The following CELSR3 variants were observed in gnomAD, a reference collection of about 807,000 sequenced individuals.
The protein encoded by CELSR3 is cadherin EGF LAG seven-pass G-type receptor 3, also known as EGF-like protein 1.
A neutral mutation model predicts 270.0 loss-of-function variants in CELSR3; 73 were observed. That is an observed-to-expected ratio of 0.27 (90% CI 0.22 to 0.33). The LOEUF is 0.33. Among genes scored for constraint, CELSR3 ranks in the 10% least tolerant of loss-of-function variants. The pLI, the probability that CELSR3 is intolerant of heterozygous loss-of-function variation, is 1.00. For synonymous variants in CELSR3, 1,780 were observed against 1,905.4 expected (o/e 0.93, Z 1.71); for missense variants, 3,614 against 4,533.8 (o/e 0.80, Z 5.83).
Position 48,641,133 on chromosome 3 carries a change from G to A in CELSR3, c.9025+191C>T. The A allele has an allele frequency of 1.7e-6, 1 of 595,502 alleles. No homozygotes were observed. The highest frequency in any genetic ancestry group is 2.0e-5 in the South Asian group (1 of 49,826). 36.9% of individuals were successfully genotyped at this position (595,502 alleles called of 1,614,324 possible). On this transcript the variant is annotated intron_variant, in intron 33 of 34. Transcript: ENST00000164024. The surrounding 1 kb of genome is among the most constrained non-coding windows in gnomAD (Gnocchi z 4.8). ...CCTGTGGTGCTGGCCAGGGTAGAGGGGGACAGAGAATTCCCAGGTCAGGAC... is the reference window on the plus strand; with the variant it reads ...CCTGTGGTGCTGGCCAGGGTAGAGGAGGACAGAGAATTCCCAGGTCAGGAC...
rs771894794 is a variant in CELSR3 at position 48,642,483 on chromosome 3, C to T, written c.8556-16G>A. ...GACATTGTCCCTGGAAAAGCAGGAGCCCCCCCACCATGAAAGAGGGATGTG... is the reference window on the plus strand; with the variant it reads ...GACATTGTCCCTGGAAAAGCAGGAGTCCCCCCACCATGAAAGAGGGATGTG... On this transcript the variant is annotated splice_polypyrimidine_tract_variant and intron_variant, in intron 30 of 34. Transcript: ENST00000164024. This position sits in a 1 kb window ranked among gnomAD's most constrained non-coding sequence, Gnocchi z 6.1. 5 of 1,607,142 alleles carry T rather than the reference C, an allele frequency of 3.1e-6. No homozygotes were observed. In the African/African-American group the frequency reaches 4.0e-5, roughly 13 times the overall value.
In CELSR3 at chr3:48,652,677, T is replaced by C. The variant is rs2302295; in HGVS notation, c.5635-124A>G. On this transcript the variant is annotated intron_variant, in intron 10 of 34. Transcript: ENST00000164024. The surrounding 1 kb of genome is among the most constrained non-coding windows in gnomAD (Gnocchi z 4.3). The stretch of plus-strand genomic sequence containing the variant: ...TGCCCCCTCCCTCCTGGACCCACAG[T>C]AGACCTTAATATTGCTTGATTTTGA... 0.12 allele frequency: 81,292 copies of C among 694,500 alleles called. 5,499 individuals carry two copies. The highest frequency in any genetic ancestry group is 0.24 in the African/African-American group (13,600 of 55,518). The allele number at this position is 694,500 out of a possible 1,614,324, so 43.0% of individuals were successfully genotyped here. A position where few individuals can be genotyped will look rare whatever the true frequency, so the allele number is the denominator to read the frequency against.
At position 48,645,258 on chromosome 3, in the gene CELSR3, G is replaced by A. The variant is rs750713109; in HGVS notation, c.7798-49C>T. The A allele has an allele frequency of 1.3e-6, 2 of 1,550,764 alleles. No individual in the cohort carries two copies. The highest frequency in any genetic ancestry group is 2.7e-5 in the African/African-American group (2 of 73,762). On this transcript the variant is annotated intron_variant, in intron 24 of 34. Transcript: ENST00000164024. This position sits in a 1 kb window ranked among gnomAD's most constrained non-coding sequence, Gnocchi z 5.4. ...GACCTCTCCTGCCTCACCCACCTCT[G>A]ACCCCTACCCCAGGCATCTGCTTCC...
At position 48,660,844 on chromosome 3, in the gene CELSR3, G is replaced by A; in HGVS notation, c.1791C>T (p.Ser597=). ...CCACCACCTGGATCTCGCCAGTGAG[G>A]CTGTCGATGGCAAAGTGTCCACGGC... ...GNSRGHFAID[S]LTGEIQVVAP... Residue 597 remains serine, a synonymous_variant, in exon 1 of 35, where the codon AGC becomes AGT. Coordinates refer to ENST00000164024, the MANE Select transcript of CELSR3 (RefSeq NM_001407.3). The surrounding 1 kb of genome is among the most constrained non-coding windows in gnomAD (Gnocchi z 5.5). 2 of 1,613,976 alleles carry A rather than the reference G, an allele frequency of 1.2e-6. No homozygotes were observed. Among genetic ancestry groups the A allele is most frequent in the South Asian group, 2.2e-5 (2 of 91,080 alleles).
At chr3:48,643,255 C>A in intron 28 of CELSR3, 172 bp from the exon 29 acceptor site, 1 of 627,756 alleles carries the variant, frequency 1.6e-6, no homozygotes, top group Non-Finnish European at 2.8e-6. Flanking sequence ...GAGGATGGAG[C>A]AGCAGGAGTG....
At position 48,661,769 on chromosome 3, in the gene CELSR3, T is replaced by C. The variant is rs776261819; in HGVS notation, c.866A>G (p.Gln289Arg). ...TCCCGGGGGACGCGGCCCGGGGCGC[T>C]GCGGGAGGAAGCGGCAGCGGAAGAG... is the stretch of plus-strand genomic sequence containing the variant. ...RGLFRCRFLP[Q>R]RPGPRPPGLP... The change falls in exon 1 of 35, where the codon CAG becomes CGG. Residue 289 changes from glutamine to arginine, a missense_variant. This residue lies in a region of CELSR3 where 470 missense variants were observed against 469.7 expected (regional missense o/e 1.00). Coordinates refer to ENST00000164024, the MANE Select transcript of CELSR3 (RefSeq NM_001407.3). 1.3e-6 allele frequency: 2 copies of C among 1,598,960 alleles called. No homozygotes were observed. The highest frequency in any genetic ancestry group is 1.1e-5 in the South Asian group (1 of 89,514).
At chr3:48,647,166 AG>A (rs2047091733) in intron 20 of CELSR3, among the ~76,000 whole-genome samples, 1 of 57,920 alleles carries the variant, frequency 1.7e-5, no homozygotes, top group African/African-American at 7.5e-5. Context: ...GAGATGTGGG[AG>A]GGAGGGTGGA....
chr3:48,646,637 C>A lies in CELSR3; in HGVS notation c.7295+126G>T. 1 of 999,544 alleles carries A rather than the reference C, an allele frequency of 1.0e-6. No individual in the cohort carries two copies. The highest frequency in any genetic ancestry group is 1.5e-6 in the Non-Finnish European group (1 of 685,270). The allele number at this position is 999,544 out of a possible 1,614,324, so 61.9% of individuals were successfully genotyped here. A position where few individuals can be genotyped will look rare whatever the true frequency, so the allele number is the denominator to read the frequency against. ...AGAATAAGATTCACACAGAACCCGG[C>A]AAGGATGGGGCTCCCTGGAGCTGTG... On this transcript the variant is annotated intron_variant, in intron 21 of 34. Coordinates refer to ENST00000164024, the MANE Select transcript of CELSR3 (RefSeq NM_001407.3). The surrounding 1 kb of genome is among the most constrained non-coding windows in gnomAD (Gnocchi z 4.8).
In CELSR3 at chr3:48,642,920, G is replaced by A; in HGVS notation, c.8407-36C>T. On this transcript the variant is annotated intron_variant, in intron 29 of 34. Transcript: ENST00000164024. The surrounding 1 kb of genome is among the most constrained non-coding windows in gnomAD (Gnocchi z 6.1). ...TAGGGACAGAGTGTGAGCTAACCCT[G>A]AAGCAGCCTAAAACTCTGGCTTCTC... The A allele has an allele frequency of 6.2e-7, 1 of 1,611,242 alleles. No homozygotes were observed.
At position 48,644,057 on chromosome 3, in the gene CELSR3, G is replaced by GCGC; in HGVS notation, c.8165+156_8165+158dup. 3.2e-6 allele frequency: 2 copies of GCGC among 629,336 alleles called. No homozygotes were observed. The highest frequency in any genetic ancestry group is 5.7e-6 in the Non-Finnish European group (2 of 351,486). The allele number at this position is 629,336 out of a possible 1,614,324, so 39.0% of individuals were successfully genotyped here. A position where few individuals can be genotyped will look rare whatever the true frequency, so the allele number is the denominator to read the frequency against. ...CATGTGGGGCTACAGTATAGCGAGGGCGCCAGAGAGGGACCACAGGTCAGG... is the reference window on the plus strand; with the variant it reads ...CATGTGGGGCTACAGTATAGCGAGGGCGCCGCCAGAGAGGGACCACAGGTCAGG... On this transcript the variant is annotated intron_variant, in intron 27 of 34. Transcript: ENST00000164024. This position sits in a 1 kb window ranked among gnomAD's most constrained non-coding sequence, Gnocchi z 4.8.
At chr3:48,638,317 G>T in intron 34 of CELSR3, 85 bp from the exon 35 acceptor site, 2 of 1,000,002 alleles carry the variant, frequency 2.0e-6, no homozygotes, top group Non-Finnish European at 3.2e-6. Flanking sequence ...CATTTGGCCT[G>T]GCTGCTTCCC....
rs1171758100 is a variant in CELSR3 at position 48,654,148 on chromosome 3, GAGTC to G, written c.5152+137_5152+140del. On this transcript the variant is annotated intron_variant, in intron 7 of 34. Coordinates refer to ENST00000164024, the MANE Select transcript of CELSR3 (RefSeq NM_001407.3). This position sits in a 1 kb window ranked among gnomAD's most constrained non-coding sequence, Gnocchi z 5.4. ...TTCTTTCGATGAGTGGGGTTGGTAA[GAGTC>G]AGGCCCTAAAATCTGGGCTGTAGCA... is the stretch of plus-strand genomic sequence containing the variant. The G allele has an allele frequency of 2.0e-6, 3 of 1,492,610 alleles. No individual in the cohort carries two copies. Among genetic ancestry groups the G allele is most frequent in the African/African-American group, 2.8e-5 (2 of 71,476 alleles). 92.5% of individuals were successfully genotyped at this position (1,492,610 alleles called of 1,614,324 possible).
At position 48,661,649 on chromosome 3, in the gene CELSR3, T is replaced by C. The variant is rs2077066951; in HGVS notation, c.986A>G (p.Asn329Ser). 1 of 1,595,680 alleles carries C rather than the reference T, an allele frequency of 6.3e-7. No homozygotes were observed. The highest frequency in any genetic ancestry group is 8.5e-7 in the Non-Finnish European group (1 of 1,171,496). The change falls in exon 1 of 35, where the codon AAC becomes AGC. Residue 329 changes from asparagine to serine, a missense_variant. By Grantham distance (46) the Asn-to-Ser change is conservative (BLOSUM62 1). Coordinates refer to ENST00000164024, the MANE Select transcript of CELSR3 (RefSeq NM_001407.3). ...ATTCTCCGGCACCAGCGTCTGGTAGTTGTACTGCGGAAACTGCGGGTGGCG... is the reference window on the plus strand; with the variant it reads ...ATTCTCCGGCACCAGCGTCTGGTAGCTGTACTGCGGAAACTGCGGGTGGCG... The part of the protein sequence containing the change: ...ANRHPQFPQY[N>S]YQTLVPENEA...
chr3:48,653,265 A>G lies in CELSR3; in HGVS notation c.5449-78T>C. ...TTGGAGGTGAGATCAGAGGGCTCAG[A>G]GGTCAGGAATATCAGAGGTCAGAAC... On this transcript the variant is annotated intron_variant, in intron 9 of 34. Transcript: ENST00000164024. This position sits in a 1 kb window ranked among gnomAD's most constrained non-coding sequence, Gnocchi z 6.5. The G allele has an allele frequency of 7.3e-7, 1 of 1,363,208 alleles. No homozygotes were observed. Among genetic ancestry groups the G allele is most frequent in the Non-Finnish European group, 1.0e-6 (1 of 974,198 alleles). The allele number at this position is 1,363,208 out of a possible 1,614,324, so 84.4% of individuals were successfully genotyped here. A position where few individuals can be genotyped will look rare whatever the true frequency, so the allele number is the denominator to read the frequency against.
At position 48,642,323 on chromosome 3, in the gene CELSR3, G is replaced by C; in HGVS notation, c.8665+35C>G. 3 of 1,591,680 alleles carry C rather than the reference G, an allele frequency of 1.9e-6. No individual in the cohort carries two copies. Among genetic ancestry groups the C allele is most frequent in the Non-Finnish European group, 2.6e-6 (3 of 1,165,206 alleles). On this transcript the variant is annotated intron_variant, in intron 31 of 34. Coordinates refer to ENST00000164024, the MANE Select transcript of CELSR3 (RefSeq NM_001407.3). This position sits in a 1 kb window ranked among gnomAD's most constrained non-coding sequence, Gnocchi z 6.1. ...AAAAGGGGATGGGGAGAGATCCTCT[G>C]CCTCCCTCCTCCCTGCCCCAGGCCC...
Position 48,645,437 on chromosome 3 carries a change from C to G in CELSR3, c.7797+6G>C. 1 of 1,612,934 alleles carries G rather than the reference C, an allele frequency of 6.2e-7. No individual in the cohort carries two copies. The highest frequency in any genetic ancestry group is 8.5e-7 in the Non-Finnish European group (1 of 1,180,014). On this transcript the variant is annotated splice_donor_region_variant and intron_variant, in intron 24 of 34. Transcript: ENST00000164024. The surrounding 1 kb of genome is among the most constrained non-coding windows in gnomAD (Gnocchi z 5.4). Reference sequence around the variant, plus strand: ...GGACACAAGTTCCCTGGCCCTGATCCTGCACCTGATTGTGGGTCCTGTGAA... The same window carrying G: ...GGACACAAGTTCCCTGGCCCTGATCGTGCACCTGATTGTGGGTCCTGTGAA...
Position 48,642,764 on chromosome 3 carries a change from C to A in CELSR3, c.8527G>T (p.Asp2843Tyr). The A allele has an allele frequency of 6.2e-7, 1 of 1,612,146 alleles. No homozygotes were observed. Among genetic ancestry groups the A allele is most frequent in the Admixed American group, 1.7e-5 (1 of 59,998 alleles). Residue 2843 changes from aspartate to tyrosine, a missense_variant, in exon 30 of 35, where the codon GAC (aspartate) becomes TAC (tyrosine). Coordinates refer to ENST00000164024, the MANE Select transcript of CELSR3 (RefSeq NM_001407.3). This position sits in a 1 kb window ranked among gnomAD's most constrained non-coding sequence, Gnocchi z 6.1. ...SARSGRTQDQDSQRGRSYLRD... is the reference protein window; with the variant it reads ...SARSGRTQDQYSQRGRSYLRD... ...AGGTAGCTGCGGCCCCGCTGGCTGT[C>A]CTGGTCCTGGGTCCGGCCGGAGCGG... is the stretch of plus-strand genomic sequence containing the variant.
rs769343690 is a variant in CELSR3, at chr3:48,659,548, T to C, written c.3087A>G (p.Ala1029=). The C allele has an allele frequency of 4.3e-6, 7 of 1,614,080 alleles. No homozygotes were observed. In the Admixed American group the frequency reaches 8.3e-5, roughly 19 times the overall value. The change falls in exon 1 of 35, where the codon GCA becomes GCG. Residue 1029 remains alanine (A), a synonymous_variant. Coordinates refer to ENST00000164024, the MANE Select transcript of CELSR3 (RefSeq NM_001407.3). This position sits in a 1 kb window ranked among gnomAD's most constrained non-coding sequence, Gnocchi z 8.1. The part of the protein sequence containing the change: ...VRTVRRLDRE[A]VSVYELTAYA... The stretch of plus-strand genomic sequence containing the variant: ...AGGCAGTCAACTCATACACTGATAC[T>C]GCCTCCCGGTCTAGCCGCCTTACTG...
In CELSR3 at chr3:48,654,478, G is replaced by T; in HGVS notation, c.4989-26C>A. 1 of 1,547,410 alleles carries T rather than the reference G, an allele frequency of 6.5e-7. No individual in the cohort carries two copies. The highest frequency in any genetic ancestry group is 8.7e-7 in the Non-Finnish European group (1 of 1,144,618). ...CTGGGGATCAGGGGTCTGGGTCATTGGTGGGACTGGGGCCAGAGTAGAGTT... is the reference window on the plus strand; with the variant it reads ...CTGGGGATCAGGGGTCTGGGTCATTTGTGGGACTGGGGCCAGAGTAGAGTT... On this transcript the variant is annotated intron_variant, in intron 6 of 34. Transcript: ENST00000164024. The surrounding 1 kb of genome is among the most constrained non-coding windows in gnomAD (Gnocchi z 5.4).
Sources: allele counts gnomAD v4.1 joint callset (sites outside exome capture counted in the v4.1 genomes callset), GRCh38; gene constraint gnomAD v4.1.1; regional missense constraint gnomAD v4.1.1; non-coding constraint Gnocchi (gnomAD v3.1); transcripts MANE v1.5; gene names NCBI Gene and HGNC (gene_info 2026-07-23, HGNC 2026-07-21).